SORCS3: variants seen among roughly 807,000 people sequenced by gnomAD.
SORCS3 encodes sortilin related VPS10 domain containing receptor 3.
A neutral mutation model predicts 146.3 loss-of-function variants in SORCS3; 57 were observed. The observed-to-expected ratio is 0.39, with a 90% CI of 0.31 to 0.49. The LOEUF (loss-of-function observed/expected upper bound fraction) is 0.49. Among genes scored for constraint, SORCS3 ranks in the 20% least tolerant of loss-of-function variants. The probability of loss-of-function intolerance (pLI) is 0.92; values close to 1 mark genes in which losing one functional copy is unlikely to be tolerated. For missense variants in SORCS3, 1,341 were observed against 1,575.5 expected (o/e 0.85, Z 2.52); for synonymous variants, 653 against 618.5 (o/e 1.06, Z -0.83).
intron 19 of SORCS3, 93 bp from the exon 20 acceptor site, chr10:105,223,023 G>A (rs1257995919): frequency 2.3e-6 from 3 of 1,328,234 alleles, no homozygotes; most frequent in African/African-American, 2.9e-5. Context: ...TACAGGAGAT[G>A]CGAATAGAAT....
At chr10:104,983,858 G>A (rs2054946110) in intron 4 of SORCS3, among the ~76,000 whole-genome samples, 1 of 151,942 alleles carries the variant, frequency 6.6e-6, no homozygotes. Context: ...ACTCACTGTG[G>A]TATGAAGGCA....
At chr10:104,973,657 C>A (rs1589573648) in intron 3 of SORCS3, among the ~76,000 whole-genome samples, 2 of 150,850 alleles carry the variant, frequency 1.3e-5, no homozygotes, top group East Asian at 3.9e-4. Context: ...CTCCTGGATT[C>A]ATTAATTTTT....
At chr10:105,039,582 C>T (rs555807211) in intron 4 of SORCS3, among the ~76,000 whole-genome samples, 2 of 151,446 alleles carry the variant, frequency 1.3e-5, no homozygotes, top group East Asian at 3.9e-4. Flanking sequence ...TCAGCCTCCC[C>T]AGTAGCTGGG....
intron 2 of SORCS3, among the ~76,000 whole-genome samples, chr10:104,870,303 C>T (rs1021569469): frequency 6.6e-6 from 1 of 152,182 alleles, no homozygotes; most frequent in Non-Finnish European, 1.5e-5. Context: ...ACTGATCCAC[C>T]TTTAGTAAAT....
intron 5 of SORCS3, among the ~76,000 whole-genome samples, chr10:105,088,741 T>C (rs1025448531): frequency 1.3e-5 from 2 of 152,008 alleles, no homozygotes; most frequent in African/African-American, 4.8e-5. Flanking sequence ...GCATGGAAGA[T>C]TGGGTTTTGA....
chr10:105,199,562 T>G (rs1473631571), intron 14 of SORCS3, among the ~76,000 whole-genome samples: 1 of 152,134 alleles, frequency 6.6e-6, no homozygotes. Context: ...CAATCCACTT[T>G]ACAGATGAGG....
intron 5 of SORCS3, among the ~76,000 whole-genome samples, chr10:105,085,078 G>A (rs974712019): frequency 4.6e-5 from 7 of 152,166 alleles, no homozygotes; most frequent in African/African-American, 1.7e-4. Flanking sequence ...ATCCCCACCA[G>A]GCGATATTTA....
intron 6 of SORCS3, among the ~76,000 whole-genome samples, chr10:105,094,733 G>A (rs1405873418): frequency 6.6e-6 from 1 of 152,172 alleles, no homozygotes; most frequent in Non-Finnish European, 1.5e-5. Context: ...GCAAGTTAGG[G>A]GAACCATCTC....
chr10:104,896,116 C>T (rs1177742297), intron 2 of SORCS3, among the ~76,000 whole-genome samples: 1 of 151,528 alleles, frequency 6.6e-6, no homozygotes, highest in Non-Finnish European at 1.5e-5. Context: ...CTGCCATTTT[C>T]CAACCTGGAG....
intron 4 of SORCS3, among the ~76,000 whole-genome samples, chr10:104,990,154 C>G (rs1367177699): frequency 6.6e-6 from 1 of 152,188 alleles, no homozygotes; most frequent in South Asian, 2.1e-4. Flanking sequence ...TTAGGGGCAG[C>G]CTTAGCCAAA....
intron 2 of SORCS3, among the ~76,000 whole-genome samples, chr10:104,854,479 C>T (rs186138753): frequency 8.5e-5 from 13 of 152,086 alleles, no homozygotes; most frequent in African/African-American, 2.9e-4. Context: ...TTACTCAGTC[C>T]CCCTCGATAT....
At chr10:105,040,556 A>T (rs939131831) in intron 4 of SORCS3, among the ~76,000 whole-genome samples, 4 of 152,158 alleles carry the variant, frequency 2.6e-5, no homozygotes, top group Admixed American at 2.6e-4. Context: ...CTAGAGCTTT[A>T]GCCCTTGCCC....
chr10:105,201,006 G>A, intron 15 of SORCS3, 114 bp from the exon 16 acceptor site: 1 of 1,113,436 alleles, frequency 9.0e-7, no homozygotes, highest in Non-Finnish European at 1.3e-6. Flanking sequence ...GAATGAGACT[G>A]CTACATAAAG....
chr10:105,081,523 C>T (rs1392661828), intron 5 of SORCS3, among the ~76,000 whole-genome samples: 1 of 152,146 alleles, frequency 6.6e-6, no homozygotes, highest in East Asian at 1.9e-4. Context: ...ACTGTCGTGG[C>T]TGGGTGAGCG....
At chr10:105,016,494 G>A (rs1028674033) in intron 4 of SORCS3, among the ~76,000 whole-genome samples, 1 of 151,864 alleles carries the variant, frequency 6.6e-6, no homozygotes, top group African/African-American at 2.4e-5. Context: ...ATGATTTTTA[G>A]CGAGCAGACA....
chr10:105,244,389 G>A (rs550512653), intron 20 of SORCS3, among the ~76,000 whole-genome samples: 18 of 151,768 alleles, frequency 1.2e-4, no homozygotes, highest in African/African-American at 2.7e-4. Flanking sequence ...CCTCCATATC[G>A]TCAGGATCCA....
intron 1 of SORCS3, among the ~76,000 whole-genome samples, chr10:104,683,445 C>T (rs1054292566): frequency 1.3e-5 from 2 of 152,230 alleles, no homozygotes; most frequent in African/African-American, 4.8e-5. Flanking sequence ...AAGTGGCCAG[C>T]TAAGACCTAT....
At chr10:105,066,086 G>C (rs1184508286) in intron 5 of SORCS3, among the ~76,000 whole-genome samples, 1 of 152,132 alleles carries the variant, frequency 6.6e-6, no homozygotes, top group Non-Finnish European at 1.5e-5. Flanking sequence ...TAAACACTGT[G>C]CTTTATAAAA....
chr10:105,245,780 A>T, intron 21 of SORCS3, 115 bp downstream of exon 21: 1 of 1,307,368 alleles, frequency 7.6e-7, no homozygotes, highest in South Asian at 1.5e-5. Context: ...GGAAAATTAC[A>T]TAGGTCAACA....
Sources: allele counts gnomAD v4.1 joint callset (sites outside exome capture counted in the v4.1 genomes callset), GRCh38; gene constraint gnomAD v4.1.1; transcripts MANE v1.5; gene names NCBI Gene and HGNC (gene_info 2026-07-23, HGNC 2026-07-21).